The following NT5DC3 variants were observed in gnomAD, a reference collection of about 807,000 sequenced individuals.
The protein encoded by NT5DC3 is 5'-nucleotidase domain-containing protein 3.
In NT5DC3, 42 loss-of-function variants were observed where a neutral mutation model predicts 67.8. That is an observed-to-expected ratio of 0.62 (90% CI 0.48 to 0.80). The LOEUF is 0.80. Among genes scored for constraint, NT5DC3 ranks in the 30% least tolerant of loss-of-function variants. The pLI, the probability that NT5DC3 is intolerant of heterozygous loss-of-function variation, is 0.00. For synonymous variants in NT5DC3, 237 were observed against 255.6 expected, an observed-to-expected ratio of 0.93 and a Z score of 0.69; for missense variants, 570 against 696.4, an observed-to-expected ratio of 0.82 and a Z score of 2.04.
intron 12 of NT5DC3, among the ~76,000 whole-genome samples, chr12:103,784,190 CAG>C (rs533921209): frequency 7.9e-4 from 121 of 152,330 alleles, no homozygotes; most frequent in African/African-American, 2.7e-3. Context: ...ATGACATGCA[CAG>C]ACTCTAAACT....
At chr12:103,835,347 C>T (rs1888102798) in intron 1 of NT5DC3, among the ~76,000 whole-genome samples, 1 of 152,136 alleles carries the variant, frequency 6.6e-6, no homozygotes, top group Admixed American at 6.5e-5. Context: ...GTAATAGGGA[C>T]CACATGCATT....
chr12:103,814,744 C>T (rs531220134), intron 2 of NT5DC3, among the ~76,000 whole-genome samples, 193 bp downstream of exon 2: 5 of 152,280 alleles, frequency 3.3e-5, no homozygotes, highest in Non-Finnish European at 5.9e-5. Context: ...TGCCAAAAGA[C>T]ATCTAAAGAC....
intron 9 of NT5DC3, among the ~76,000 whole-genome samples, 167 bp downstream of exon 9, chr12:103,792,997 G>A (rs930564870): frequency 6.6e-5 from 10 of 152,130 alleles, no homozygotes; most frequent in African/African-American, 2.4e-4. Context: ...TGTCTGTTAC[G>A]TGCTCATGTC....
chr12:103,794,138 C>A, intron 6 of NT5DC3, 141 bp from the exon 7 acceptor site: 1 of 560,258 alleles, frequency 1.8e-6, no homozygotes, highest in South Asian at 2.3e-5. Flanking sequence ...AAATTCTGGT[C>A]CATTTTCTTC....
intron 10 of NT5DC3, among the ~76,000 whole-genome samples, chr12:103,788,574 T>C (rs1885897030): frequency 3.3e-5 from 5 of 152,242 alleles, no homozygotes; most frequent in Admixed American, 3.3e-4. Context: ...GGTTTACTAC[T>C]GGCATCTTAT....
At chr12:103,792,463 A>T (rs1399032591) in intron 9 of NT5DC3, among the ~76,000 whole-genome samples, 2 of 152,246 alleles carry the variant, frequency 1.3e-5, no homozygotes, top group African/African-American at 4.8e-5. Context: ...GCCCATTATT[A>T]TACAAATACA....
chr12:103,759,789 G>A, the NT5DC3 span, among the ~76,000 whole-genome samples: 3 of 152,184 alleles, frequency 2.0e-5, no homozygotes, highest in Admixed American at 2.0e-4. Flanking sequence ...CTGTGGCTGG[G>A]CCTGAGAATT....
At chr12:103,780,971 T>TAA (rs34011105) in intron 12 of NT5DC3, among the ~76,000 whole-genome samples, 356 of 144,068 alleles carry the variant, frequency 2.5e-3, no homozygotes, top group Non-Finnish European at 3.8e-3. Flanking sequence ...GTGTTTAATT[T>TAA]AAAAAAACAA....
chr12:103,766,271 C>T (rs1884955916), downstream of NT5DC3: 1 of 1,614,038 alleles, frequency 6.2e-7, no homozygotes, highest in Non-Finnish European at 8.5e-7. Context: ...CCCCTTACAA[C>T]CCTCTCTTTT....
At chr12:103,830,815 A>G (rs894674599) in intron 1 of NT5DC3, among the ~76,000 whole-genome samples, 3 of 152,246 alleles carry the variant, frequency 2.0e-5, no homozygotes. Flanking sequence ...AAACACTCAT[A>G]GATAGCACTA....
chr12:103,836,500 C>T (rs1435015700), intron 1 of NT5DC3, among the ~76,000 whole-genome samples: 2 of 152,154 alleles, frequency 1.3e-5, no homozygotes, highest in Non-Finnish European at 2.9e-5. Context: ...AAAATGATCT[C>T]CTTTGACTCC....
the NT5DC3 span, among the ~76,000 whole-genome samples, chr12:103,753,031 T>G: frequency 6.6e-6 from 1 of 152,246 alleles, no homozygotes; most frequent in African/African-American, 2.4e-5. Context: ...AATGAACATA[T>G]GCTAGTTTTA....
At chr12:103,789,112 GGTGTTCCAC>G in intron 9 of NT5DC3, 193 bp from the exon 10 acceptor site, 1 of 541,324 alleles carries the variant, frequency 1.8e-6, no homozygotes, top group African/African-American at 1.9e-5. Context: ...AGTATCCAAA[GGTGTTCCAC>G]GAAAAAAAAG....
chr12:103,830,507 A>G (rs549583218), intron 1 of NT5DC3, among the ~76,000 whole-genome samples: 1 of 152,214 alleles, frequency 6.6e-6, no homozygotes, highest in South Asian at 2.1e-4. Context: ...CTCCAATTAG[A>G]CATATGTTTG....
intron 2 of NT5DC3, among the ~76,000 whole-genome samples, chr12:103,812,704 C>A (rs1887087161): frequency 6.6e-6 from 1 of 152,042 alleles, no homozygotes; most frequent in African/African-American, 2.4e-5. Context: ...AGTTCAAATC[C>A]TGGTTCTGTC....
At chr12:103,817,536 T>C (rs753652254) in intron 1 of NT5DC3, among the ~76,000 whole-genome samples, 1 of 152,186 alleles carries the variant, frequency 6.6e-6, no homozygotes, top group African/African-American at 2.4e-5. Context: ...CTGACTCTAT[T>C]ATAACAGCTA....
chr12:103,801,586 T>A (rs562187783), intron 4 of NT5DC3, among the ~76,000 whole-genome samples: 3 of 152,076 alleles, frequency 2.0e-5, no homozygotes, highest in African/African-American at 4.8e-5. Context: ...TTTCACCATG[T>A]TAGCCAGGAT....
At chr12:103,786,455 G>C (rs754015739) in intron 11 of NT5DC3, among the ~76,000 whole-genome samples, 79 of 152,306 alleles carry the variant, frequency 5.2e-4, no homozygotes, top group Non-Finnish European at 8.1e-4. Flanking sequence ...GGGGGCAGAG[G>C]CAGAGGATGT....
chr12:103,811,522 C>T (rs1228613458), intron 2 of NT5DC3, among the ~76,000 whole-genome samples: 1 of 152,166 alleles, frequency 6.6e-6, no homozygotes, highest in Non-Finnish European at 1.5e-5. Flanking sequence ...TAGCACCTAA[C>T]TGGCATGCTT....
Sources: gnomAD v4.1 joint callset for allele counts (sites outside exome capture counted in the v4.1 genomes callset) on GRCh38, gnomAD v4.1.1 for gene constraint, MANE v1.5 for transcripts, NCBI Gene and HGNC (gene_info 2026-07-23, HGNC 2026-07-21) for gene names.